Variants in CREB5 observed in about 807,000 individuals in gnomAD.
The protein encoded by CREB5 is cyclic AMP-responsive element-binding protein 5.
CREB5 carries 19 observed loss-of-function variants against 57.1 expected under a neutral mutation model. The ratio of observed to expected loss-of-function variants is 0.33; its 90% CI spans 0.23 to 0.49. CREB5 has a LOEUF of 0.49. Ranked by LOEUF, CREB5 falls within the 20% of genes least tolerant of loss-of-function variation. CREB5 has a pLI of 0.99. For missense variants in CREB5, 579 were observed against 671.6 expected, an observed-to-expected ratio of 0.86 and a Z score of 1.52; for synonymous variants, 238 against 238.3, an observed-to-expected ratio of 1.00 and a Z score of 0.01.
intron 5 of CREB5, among the ~76,000 whole-genome samples, chr7:28,592,979 A>G (rs908057455): frequency 6.6e-6 from 1 of 152,250 alleles, no homozygotes; most frequent in African/African-American, 2.4e-5. Context: ...CAAGACCAGC[A>G]TTCAAACCCA....
At chr7:28,415,432 G>A (rs983436667) in intron 1 of CREB5, among the ~76,000 whole-genome samples, 2 of 152,104 alleles carry the variant, frequency 1.3e-5, no homozygotes, top group African/African-American at 4.8e-5. Flanking sequence ...CTATGACTTT[G>A]TATCCTTCAC....
chr7:28,323,642 G>A (rs1785529125), intron 1 of CREB5, among the ~76,000 whole-genome samples: 1 of 152,104 alleles, frequency 6.6e-6, no homozygotes, highest in Non-Finnish European at 1.5e-5. Context: ...GTCTAGGGCA[G>A]TGAACCCCAG....
chr7:28,677,389 A>G (rs1201812020), intron 5 of CREB5, among the ~76,000 whole-genome samples: 2 of 152,018 alleles, frequency 1.3e-5, no homozygotes, highest in East Asian at 3.9e-4. Context: ...CTACGTTTTA[A>G]TCTATTCCCC....
At chr7:28,599,640 G>A (rs1044202317) in intron 5 of CREB5, among the ~76,000 whole-genome samples, 2 of 152,204 alleles carry the variant, frequency 1.3e-5, no homozygotes, top group African/African-American at 4.8e-5. Context: ...GCTCTGCACT[G>A]CTGCAAATTA....
intron 5 of CREB5, among the ~76,000 whole-genome samples, chr7:28,697,071 TA>T (rs1448602531): frequency 6.6e-6 from 1 of 151,214 alleles, no homozygotes; most frequent in Non-Finnish European, 1.5e-5. Context: ...CACACATACA[TA>T]TTTATATATA....
At chr7:28,590,819 A>G (rs1393301368) in intron 5 of CREB5, among the ~76,000 whole-genome samples, 1 of 152,020 alleles carries the variant, frequency 6.6e-6, no homozygotes, top group Non-Finnish European at 1.5e-5. Context: ...TTGCCCTCCA[A>G]GCCTGTGGTG....
chr7:28,377,982 C>T (rs1333750712), intron 1 of CREB5, among the ~76,000 whole-genome samples: 1 of 150,906 alleles, frequency 6.6e-6, no homozygotes, highest in African/African-American at 2.4e-5. Flanking sequence ...AAAGATGGAC[C>T]ATGCCCTTTA....
At position 28,686,667 on chromosome 7, in the gene CREB5, G is replaced by A. The variant is rs549986017; in HGVS notation, c.465-32086G>A. 2.0e-5 allele frequency among the ~76,000 whole-genome samples: 3 copies of A among 152,260 alleles called. No homozygotes were observed. In the South Asian group the frequency reaches 6.2e-4, roughly 32 times the overall value. ...TGAATGGTGATGTAATGCAAGAACC[G>A]AAGGGTAGTTAAGTAATGTGAGAGC... On this transcript the variant is annotated intron_variant, in intron 5 of 10. Coordinates refer to ENST00000357727, the MANE Select transcript of CREB5 (RefSeq NM_182898.4).
At chr7:28,406,702 C>T (rs905782178) in intron 1 of CREB5, among the ~76,000 whole-genome samples, 2 of 152,150 alleles carry the variant, frequency 1.3e-5, no homozygotes, top group African/African-American at 4.8e-5. Context: ...TGCATAGCTG[C>T]TCTCAGCAAC....
chr7:28,817,176 C>A (rs982812608), intron 9 of CREB5, among the ~76,000 whole-genome samples: 1 of 152,046 alleles, frequency 6.6e-6, no homozygotes, highest in Non-Finnish European at 1.5e-5. Flanking sequence ...CGAAATTGAC[C>A]AAATAATCAA....
At chr7:28,566,034 A>G (rs1366101622) in intron 4 of CREB5, among the ~76,000 whole-genome samples, 3 of 152,196 alleles carry the variant, frequency 2.0e-5, no homozygotes, top group African/African-American at 7.2e-5. Context: ...CAGACTAAAT[A>G]TTCTCTGATT....
chr7:28,824,172 G>A lies in CREB5; in HGVS notation c.*4893G>A, dbSNP rs981893441. 1 of 152,490 alleles carries A rather than the reference G, an allele frequency of 6.6e-6. No homozygotes were observed. Among genetic ancestry groups the A allele is most frequent in the Non-Finnish European group, 1.5e-5 (1 of 68,034 alleles). The allele number at this position is 152,490 out of a possible 1,614,324, so 9.4% of individuals were successfully genotyped here. On this transcript the variant is annotated 3_prime_UTR_variant, in exon 11 of 11. Transcript: ENST00000357727. Reference sequence around the variant, plus strand: ...GAGACCTGTGTCTCACATCAGCCTAGGTGAAGCCTACTACAAGAATGCCAA... The same window carrying A: ...GAGACCTGTGTCTCACATCAGCCTAAGTGAAGCCTACTACAAGAATGCCAA...
intron 5 of CREB5, among the ~76,000 whole-genome samples, chr7:28,689,240 G>T (rs894951580): frequency 6.6e-6 from 1 of 152,234 alleles, no homozygotes; most frequent in East Asian, 1.9e-4. Context: ...ACTTTGGGAG[G>T]CCGAGGTGGG....
At chr7:28,636,035 T>C (rs564039928) in intron 5 of CREB5, among the ~76,000 whole-genome samples, 44 of 152,380 alleles carry the variant, frequency 2.9e-4, no homozygotes, top group Non-Finnish European at 5.3e-4. Context: ...CAAAGGATTA[T>C]AGCACTGGAT....
At chr7:28,639,123 GAAT>G (rs1408908811) in intron 5 of CREB5, among the ~76,000 whole-genome samples, 1 of 152,180 alleles carries the variant, frequency 6.6e-6, no homozygotes, top group East Asian at 1.9e-4. Context: ...TAGACTATTT[GAAT>G]AATTATGAGT....
At chr7:28,793,964 C>T (rs1454465414) in intron 7 of CREB5, among the ~76,000 whole-genome samples, 1 of 152,108 alleles carries the variant, frequency 6.6e-6, no homozygotes, top group Admixed American at 6.5e-5. Flanking sequence ...CAGGAAAGGC[C>T]CTGTGATACA....
chr7:28,752,876 A>G (rs1254974961), intron 7 of CREB5, among the ~76,000 whole-genome samples: 3 of 151,468 alleles, frequency 2.0e-5, no homozygotes, highest in Admixed American at 1.3e-4. Flanking sequence ...TCTACTCTTT[A>G]TTCTTTTCTA....
At chr7:28,492,405 C>A (rs1791846301) in intron 2 of CREB5, among the ~76,000 whole-genome samples, 1 of 152,196 alleles carries the variant, frequency 6.6e-6, no homozygotes, top group South Asian at 2.1e-4. Context: ...ATTTCACTCT[C>A]TCTTTGCCTT....
intron 5 of CREB5, among the ~76,000 whole-genome samples, chr7:28,618,413 C>A (rs1022023155): frequency 3.9e-5 from 6 of 152,120 alleles, no homozygotes; most frequent in African/African-American, 7.2e-5. Flanking sequence ...AAATCAGTTT[C>A]ATCTATTTTT....
Sources: allele counts gnomAD v4.1 joint callset (sites outside exome capture counted in the v4.1 genomes callset), GRCh38; gene constraint gnomAD v4.1.1; transcripts MANE v1.5; gene names NCBI Gene and HGNC (gene_info 2026-07-23, HGNC 2026-07-21).